Variants in EYA2 observed in about 807,000 individuals in gnomAD.
The protein encoded by EYA2 is protein phosphatase EYA2.
A neutral mutation model predicts 69.2 loss-of-function variants in EYA2; 31 were observed. That is an observed-to-expected ratio of 0.45 (90% CI 0.34 to 0.60). The LOEUF (loss-of-function observed/expected upper bound fraction) is 0.60. Among genes scored for constraint, EYA2 ranks in the 20% least tolerant of loss-of-function variants. The probability of loss-of-function intolerance (pLI) is 0.02; values close to 1 mark genes in which losing one functional copy is unlikely to be tolerated. For missense variants in EYA2, 622 were observed against 701.2 expected (o/e 0.89, Z 1.28); for synonymous variants, 257 against 279.4 (o/e 0.92, Z 0.80).
At chr20:47,153,442 A>C (rs2033862515) in intron 10 of EYA2, among the ~76,000 whole-genome samples, 1 of 151,562 alleles carries the variant, frequency 6.6e-6, no homozygotes, top group South Asian at 2.1e-4. Context: ...GGAGTTTGAG[A>C]CCAGCCTGGG....
chr20:47,115,290 C>T lies in EYA2; in HGVS notation c.888+18122C>T, dbSNP rs73624603. 3.8e-3 allele frequency among the ~76,000 whole-genome samples: 585 copies of T among 152,282 alleles called. 29 individuals carry two copies. In the East Asian group the frequency reaches 0.087, roughly 23 times the overall value. On this transcript the variant is annotated intron_variant, in intron 9 of 15. Coordinates refer to ENST00000327619, the MANE Select transcript of EYA2 (RefSeq NM_005244.5). ...CCCAAGGACCCCCTGCCCAGCTCATCGCTGCCGTCTTCAGCCGTCTTCCCT... is the reference window on the plus strand; with the variant it reads ...CCCAAGGACCCCCTGCCCAGCTCATTGCTGCCGTCTTCAGCCGTCTTCCCT...
Position 47,000,347 on chromosome 20 carries a change from T to C in EYA2, c.110-1081T>C, listed in dbSNP as rs539985388. ...CCTGAGGCCCAGAGATCTAGGAACT[T>C]GCCTGAAGTCTCATAACTAGGAAGT... On this transcript the variant is annotated intron_variant, in intron 2 of 15. Transcript: ENST00000327619. Among the ~76,000 whole-genome samples, 3 of 152,294 alleles carry C rather than the reference T, an allele frequency of 2.0e-5. No homozygotes were observed. The East Asian group carries it at 5.8e-4, about 29-fold the overall frequency.
intron 1 of EYA2, among the ~76,000 whole-genome samples, chr20:46,973,349 T>C (rs1292829501): frequency 2.0e-5 from 3 of 152,200 alleles, no homozygotes; most frequent in African/African-American, 7.2e-5. Flanking sequence ...GGGGAGGCTA[T>C]TCTAGATTAA....
intron 1 of EYA2, among the ~76,000 whole-genome samples, chr20:46,935,548 G>T (rs1036729057): frequency 2.0e-5 from 3 of 152,164 alleles, no homozygotes; most frequent in Admixed American, 2.0e-4. Context: ...TGGGCACCAT[G>T]ATAGCAAGTG....
chr20:47,126,936 C>A (rs1461943181), intron 9 of EYA2, among the ~76,000 whole-genome samples: 1 of 152,102 alleles, frequency 6.6e-6, no homozygotes, highest in East Asian at 1.9e-4. Context: ...AGCGGAAAAA[C>A]CCTGATTTGT....
chr20:46,908,581 G>A (rs1984477661), intron 1 of EYA2, among the ~76,000 whole-genome samples: 1 of 152,176 alleles, frequency 6.6e-6, no homozygotes. Flanking sequence ...TGAAATCAAT[G>A]ACTGCAACCG....
At chr20:47,038,139 A>G (rs1017841469) in intron 5 of EYA2, among the ~76,000 whole-genome samples, 8 of 152,202 alleles carry the variant, frequency 5.3e-5, no homozygotes, top group Non-Finnish European at 1.2e-4. Flanking sequence ...TGTAGAAAAA[A>G]TAATAGAGCA....
At chr20:47,049,868 C>CCG (rs2030238914) in intron 5 of EYA2, among the ~76,000 whole-genome samples, 1 of 151,254 alleles carries the variant, frequency 6.6e-6, no homozygotes, top group Non-Finnish European at 1.5e-5. Context: ...AGACCCCCCC[C>CCG]CCACCGCCAC....
intron 9 of EYA2, among the ~76,000 whole-genome samples, chr20:47,104,718 C>A (rs2146530618): frequency 6.6e-6 from 1 of 152,254 alleles, no homozygotes; most frequent in Non-Finnish European, 1.5e-5. Flanking sequence ...GTCTCAACAT[C>A]CTGTCAGAAA....
intron 9 of EYA2, among the ~76,000 whole-genome samples, chr20:47,105,049 G>A (rs539007831): frequency 1.1e-4 from 16 of 152,126 alleles, no homozygotes; most frequent in South Asian, 6.2e-4. Context: ...TCAATTGGCC[G>A]TAAATATGTT....
At chr20:47,040,762 A>C (rs1295082561) in intron 5 of EYA2, among the ~76,000 whole-genome samples, 1 of 152,196 alleles carries the variant, frequency 6.6e-6, no homozygotes, top group Non-Finnish European at 1.5e-5. Context: ...TTTCTGGCTG[A>C]AAGTCAATGC....
At chr20:47,133,143 C>T (rs189186432) in intron 9 of EYA2, among the ~76,000 whole-genome samples, 123 of 152,136 alleles carry the variant, frequency 8.1e-4, no homozygotes, top group Non-Finnish European at 1.4e-3. Flanking sequence ...GATCCAGCTC[C>T]CTAAATATTT....
At chr20:47,062,912 G>A (rs2030949810) in intron 5 of EYA2, among the ~76,000 whole-genome samples, 1 of 152,188 alleles carries the variant, frequency 6.6e-6, no homozygotes, top group Admixed American at 6.5e-5. Flanking sequence ...GCCTCAAGGT[G>A]TAGGGTGCCC....
At chr20:46,921,347 C>T (rs1415164657) in intron 1 of EYA2, among the ~76,000 whole-genome samples, 1 of 152,260 alleles carries the variant, frequency 6.6e-6, no homozygotes, top group South Asian at 2.1e-4. Context: ...CAAACAGTCT[C>T]CACATTTATT....
intron 9 of EYA2, chr20:47,117,733 C>CCT (rs1483746875): frequency 1.0e-6 from 1 of 977,398 alleles, no homozygotes; most frequent in Non-Finnish European, 1.2e-6. Flanking sequence ...TCAAAAGTGC[C>CCT]CTCTCTCGAG....
rs1983722273 is a variant in EYA2 at position 46,894,977 on chromosome 20, C to T, written c.-21C>T. The T allele has an allele frequency of 6.6e-6, 1 of 151,684 alleles. No homozygotes were observed. The highest frequency in any genetic ancestry group is 1.5e-5 in the Non-Finnish European group (1 of 67,930). The allele number at this position is 151,684 out of a possible 1,614,324, so 9.4% of individuals were successfully genotyped here. A position where few individuals can be genotyped will look rare whatever the true frequency, so the allele number is the denominator to read the frequency against. On this transcript the variant is annotated 5_prime_UTR_variant, in exon 1 of 16. Coordinates refer to ENST00000327619, the MANE Select transcript of EYA2 (RefSeq NM_005244.5). ...CCGCACCGCGTCGGGGCGCCCTCTC[C>T]ACTGCGCGCGGTGAGTACCGCCAGC...
chr20:46,917,703 G>A (rs183331711), intron 1 of EYA2, among the ~76,000 whole-genome samples: 1 of 152,296 alleles, frequency 6.6e-6, no homozygotes, highest in East Asian at 1.9e-4. Context: ...GCCACTAAGT[G>A]TGCAATATTA....
intron 9 of EYA2, among the ~76,000 whole-genome samples, chr20:47,142,464 C>T (rs987467392): frequency 6.6e-6 from 1 of 152,236 alleles, no homozygotes. Context: ...AGAATGACTT[C>T]GTTTGTATAA....
At chr20:47,007,863 A>G (rs1305409343) in intron 4 of EYA2, among the ~76,000 whole-genome samples, 1 of 151,886 alleles carries the variant, frequency 6.6e-6, no homozygotes, top group Admixed American at 6.6e-5. Flanking sequence ...TCTTACCTCA[A>G]GCAATCCTCC....
Sources: gnomAD v4.1 joint callset for allele counts (sites outside exome capture counted in the v4.1 genomes callset) on GRCh38, gnomAD v4.1.1 for gene constraint, MANE v1.5 for transcripts, NCBI Gene and HGNC (gene_info 2026-07-23, HGNC 2026-07-21) for gene names.